The following SH3GL2 variants were observed in gnomAD, a reference collection of about 807,000 sequenced individuals.
SH3GL2 encodes endophilin-A1.
A neutral mutation model predicts 46.0 loss-of-function variants in SH3GL2; 24 were observed. The observed-to-expected ratio is 0.52, with a 90% CI of 0.38 to 0.73. The LOEUF (loss-of-function observed/expected upper bound fraction) is 0.73. SH3GL2 is among the 30% of genes least tolerant of loss of function. SH3GL2 has a pLI of 0.00. For missense variants in SH3GL2, 413 were observed against 424.2 expected, an observed-to-expected ratio of 0.97 and a Z score of 0.23; for synonymous variants, 196 against 147.1, an observed-to-expected ratio of 1.33 and a Z score of -2.40.
intron 1 of SH3GL2, among the ~76,000 whole-genome samples, chr9:17,655,306 G>A (rs992294989): frequency 3.9e-5 from 6 of 152,162 alleles, no homozygotes; most frequent in African/African-American, 1.2e-4. Flanking sequence ...GGGTGTACGT[G>A]CTGTGTTTTG....
At chr9:17,783,334 A>G (rs1823865854) in intron 3 of SH3GL2, among the ~76,000 whole-genome samples, 1 of 151,618 alleles carries the variant, frequency 6.6e-6, no homozygotes, top group East Asian at 1.9e-4. Flanking sequence ...GGAAATAAAA[A>G]CTAAGATTTA....
At chr9:17,654,939 G>C (rs529879503) in intron 1 of SH3GL2, among the ~76,000 whole-genome samples, 6 of 152,150 alleles carry the variant, frequency 3.9e-5, no homozygotes, top group Non-Finnish European at 7.4e-5. Context: ...GGATGTGATG[G>C]GAGCTGTGCA....
intron 1 of SH3GL2, among the ~76,000 whole-genome samples, chr9:17,708,334 A>G (rs1417186433): frequency 4.0e-5 from 6 of 151,804 alleles, no homozygotes. Flanking sequence ...AATGATTATC[A>G]CGCTTTATAT....
At chr9:17,762,257 G>T (rs1310148757) in intron 3 of SH3GL2, among the ~76,000 whole-genome samples, 1 of 152,096 alleles carries the variant, frequency 6.6e-6, no homozygotes, top group Non-Finnish European at 1.5e-5. Flanking sequence ...GTGAATATTT[G>T]GAATACCCCT....
At chr9:17,677,558 AT>A (rs1416492563) in intron 1 of SH3GL2, among the ~76,000 whole-genome samples, 2 of 151,638 alleles carry the variant, frequency 1.3e-5, no homozygotes, top group African/African-American at 2.4e-5. Flanking sequence ...TTTCACTTTT[AT>A]TTTTTGATTA....
intron 1 of SH3GL2, among the ~76,000 whole-genome samples, chr9:17,708,383 G>A (rs1456703716): frequency 6.6e-6 from 1 of 151,938 alleles, no homozygotes; most frequent in African/African-American, 2.4e-5. Context: ...ATTCTTTCAT[G>A]TCAGATGTTT....
intron 1 of SH3GL2, among the ~76,000 whole-genome samples, chr9:17,696,485 G>A (rs1393633057): frequency 2.0e-5 from 3 of 152,238 alleles, no homozygotes; most frequent in Middle Eastern, 3.4e-3. Context: ...AGGTTTAATT[G>A]ACTCACAGTT....
intron 1 of SH3GL2, among the ~76,000 whole-genome samples, chr9:17,707,961 T>A (rs1194009423): frequency 6.6e-6 from 1 of 152,090 alleles, no homozygotes; most frequent in African/African-American, 2.4e-5. Context: ...ATGTTCACAC[T>A]TGTCCTCTTA....
At chr9:17,625,030 A>G (rs1819249161) in intron 1 of SH3GL2, among the ~76,000 whole-genome samples, 1 of 152,224 alleles carries the variant, frequency 6.6e-6, no homozygotes, top group Non-Finnish European at 1.5e-5. Context: ...AACCTTGGCT[A>G]GAGTTGGCCT....
At chr9:17,697,302 C>G (rs138517670) in intron 1 of SH3GL2, among the ~76,000 whole-genome samples, 1 of 151,880 alleles carries the variant, frequency 6.6e-6, no homozygotes, top group African/African-American at 2.4e-5. Context: ...CGGCTCACTG[C>G]AAACTCCGCC....
intron 1 of SH3GL2, among the ~76,000 whole-genome samples, chr9:17,688,766 A>T (rs1282700923): frequency 3.3e-5 from 5 of 152,138 alleles, no homozygotes; most frequent in Admixed American, 2.0e-4. Context: ...AAAATAACAT[A>T]GTATTGGATC....
intron 1 of SH3GL2, among the ~76,000 whole-genome samples, chr9:17,665,628 C>T (rs914257368): frequency 2.0e-5 from 3 of 151,898 alleles, no homozygotes; most frequent in Non-Finnish European, 2.9e-5. Context: ...GTAAGAGCCC[C>T]GTCAGCTTAA....
At position 17,673,318 on chromosome 9, in the gene SH3GL2, AT is replaced by A. The variant is rs35240605; in HGVS notation, c.46-73732del. ...CACGCACCACCATGCCTAGTTTTTA[AT>A]TTTTTTTTTTTTTTTATAGAGGCGG... On this transcript the variant is annotated intron_variant, in intron 1 of 8. Transcript: ENST00000380607. Among the ~76,000 whole-genome samples the A allele has an allele frequency of 7.8e-3, 1,101 of 141,008 alleles. 12 individuals are homozygous for A. Among genetic ancestry groups the A allele is most frequent in the African/African-American group, 0.022 (824 of 37,830 alleles). 92.5% of individuals were successfully genotyped at this position (141,008 alleles called of 152,430 possible).
chr9:17,689,507 G>C (rs7860084), intron 1 of SH3GL2, among the ~76,000 whole-genome samples: 82,077 of 151,820 alleles, frequency 0.54, 23,413 homozygotes, highest in African/African-American at 0.71. Context: ...GCCCAGTGCA[G>C]ATGACCCCTC....
chr9:17,726,285 A>G (rs1176292585), intron 1 of SH3GL2, among the ~76,000 whole-genome samples: 1 of 152,008 alleles, frequency 6.6e-6, no homozygotes, highest in African/African-American at 2.4e-5. Context: ...CTAATCCTTC[A>G]TTGTCATTGA....
intron 1 of SH3GL2, among the ~76,000 whole-genome samples, chr9:17,646,814 C>G (rs1460097974): frequency 3.3e-5 from 5 of 152,218 alleles, no homozygotes; most frequent in African/African-American, 1.2e-4. Flanking sequence ...CTGTCGACCC[C>G]TGCTGGGAGA....
At chr9:17,716,448 C>T (rs537941960) in intron 1 of SH3GL2, among the ~76,000 whole-genome samples, 1 of 152,284 alleles carries the variant, frequency 6.6e-6, no homozygotes, top group East Asian at 1.9e-4. Flanking sequence ...TTGCTTTGCG[C>T]TACTGAGATG....
intron 1 of SH3GL2, among the ~76,000 whole-genome samples, chr9:17,600,038 G>T (rs1818641005): frequency 6.6e-6 from 1 of 150,412 alleles, no homozygotes. Flanking sequence ...CACTTATTTT[G>T]GGCTCCTATA....
chr9:17,685,314 G>A (rs1820874529), intron 1 of SH3GL2, among the ~76,000 whole-genome samples: 1 of 151,988 alleles, frequency 6.6e-6, no homozygotes, highest in East Asian at 1.9e-4. Context: ...ACTTCTTCAG[G>A]GAAAATATTA....
Sources: gnomAD v4.1 joint callset for allele counts (sites outside exome capture counted in the v4.1 genomes callset) on GRCh38, gnomAD v4.1.1 for gene constraint, MANE v1.5 for transcripts, NCBI Gene and HGNC (gene_info 2026-07-23, HGNC 2026-07-21) for gene names.